PFKFB3: variants seen among roughly 807,000 people sequenced by gnomAD.
PFKFB3 encodes 6-phosphofructo-2-kinase/fructose-2,6-bisphosphatase 3.
PFKFB3 carries 33 observed loss-of-function variants against 68.0 expected under a neutral mutation model. The observed-to-expected ratio is 0.49, with a 90% CI of 0.37 to 0.65. The LOEUF (loss-of-function observed/expected upper bound fraction) is 0.65. Ranked by LOEUF, PFKFB3 falls within the 30% of genes least tolerant of loss-of-function variation. The pLI, the probability that PFKFB3 is intolerant of heterozygous loss-of-function variation, is 0.00. For missense variants in PFKFB3, 586 were observed against 712.2 expected (o/e 0.82, Z 2.02); for synonymous variants, 315 against 288.2 (o/e 1.09, Z -0.94).
chr10:6,159,871 A>G (rs1467677821), intron 1 of PFKFB3, among the ~76,000 whole-genome samples: 1 of 150,798 alleles, frequency 6.6e-6, no homozygotes, highest in East Asian at 1.9e-4. Context: ...CAATCCCCCC[A>G]CCTCAGCCTC....
chr10:6,213,743 C>A lies in PFKFB3; in HGVS notation c.197C>A (p.Thr66Lys). 1 of 1,612,294 alleles carries A rather than the reference C, an allele frequency of 6.2e-7. No homozygotes were observed. Among genetic ancestry groups the A allele is most frequent in the Non-Finnish European group, 8.5e-7 (1 of 1,179,316 alleles). Residue 66 changes from threonine to lysine, a missense_variant, in exon 2 of 15, where the codon ACA becomes AAA. Transcript: ENST00000379775. The stretch of plus-strand genomic sequence containing the variant: ...TACCTCAACTGGATTGGCGTCCCCA[C>A]AAAAGGTGAGACTGGGTCTCGAGGC... Reference protein sequence around the residue: ...TRYLNWIGVPTKVFNVGEYRR... With the variant: ...TRYLNWIGVPKKVFNVGEYRR...
At chr10:6,196,783 G>C (rs773764253) in intron 1 of PFKFB3, among the ~76,000 whole-genome samples, 25 of 151,954 alleles carry the variant, frequency 1.6e-4, no homozygotes, top group Admixed American at 6.6e-4. Context: ...ACACACCCAG[G>C]ATTTTTCAAT....
chr10:6,183,100 G>A (rs1042190169), intron 1 of PFKFB3, among the ~76,000 whole-genome samples: 1 of 152,154 alleles, frequency 6.6e-6, no homozygotes, highest in South Asian at 2.1e-4. Context: ...CCCTGGAGTT[G>A]CAGGGGATTT....
the PFKFB3 span, chr10:6,293,103 C>A: frequency 9.7e-6 from 4 of 413,270 alleles, no homozygotes; most frequent in African/African-American, 8.5e-5. Flanking sequence ...AATTTTAAAC[C>A]CTCAGGAATG....
chr10:6,179,076 C>T (rs182094169), intron 1 of PFKFB3, among the ~76,000 whole-genome samples: 52 of 152,340 alleles, frequency 3.4e-4, no homozygotes, highest in African/African-American at 1.1e-3. Context: ...ACGTGCCTGC[C>T]GTATTCAATA....
rs747409261 is a variant in PFKFB3 at position 6,216,764 on chromosome 10, A to G, written c.425A>G (p.Lys142Arg). Residue 142 changes from lysine (K) to arginine (R), a missense_variant, in exon 5 of 15, where the codon AAA becomes AGA. Coordinates refer to ENST00000379775, the MANE Select transcript of PFKFB3 (RefSeq NM_004566.4). ...AGACACATGATCCTTCATTTTGCCA[A>G]AGAAAATGACTTTAAGGTGAGCTGA... Reference protein sequence around the residue: ...ERRHMILHFAKENDFKAFFIE... With the variant: ...ERRHMILHFARENDFKAFFIE... 1.2e-6 allele frequency: 2 copies of G among 1,612,986 alleles called. No homozygotes were observed. Among genetic ancestry groups the G allele is most frequent in the South Asian group, 1.1e-5 (1 of 91,074 alleles).
At position 6,215,058 on chromosome 10, in the gene PFKFB3, G is replaced by T. The variant is rs1844469638; in HGVS notation, c.203-163G>T. 6.6e-6 allele frequency among the ~76,000 whole-genome samples: 1 copy of T among 152,190 alleles called. No homozygotes were observed. Among genetic ancestry groups the T allele is most frequent in the Non-Finnish European group, 1.5e-5 (1 of 68,028 alleles). On this transcript the variant is annotated intron_variant, in intron 2 of 14. Coordinates refer to ENST00000379775, the MANE Select transcript of PFKFB3 (RefSeq NM_004566.4). This position sits in a 1 kb window ranked among gnomAD's most constrained non-coding sequence, Gnocchi z 4.3. The stretch of plus-strand genomic sequence containing the variant: ...CTGTGCCCTGCTGTCCTCAGGAGTT[G>T]AGGGTAGCGTAGGACTGGGCGCCGG...
intron 1 of PFKFB3, chr10:6,164,082 AG>A (rs1564591434): frequency 6.6e-6 from 1 of 152,298 alleles, no homozygotes; most frequent in Non-Finnish European, 1.5e-5. Context: ...GAAACAGACT[AG>A]GAGGGATTTA....
At chr10:6,216,820 G>C in intron 5 of PFKFB3, 40 bp downstream of exon 5, 1 of 1,473,546 alleles carries the variant, frequency 6.8e-7, no homozygotes, top group Non-Finnish European at 9.5e-7. Context: ...GGGCTCGGGA[G>C]AGAGGAAAAG....
chr10:6,186,121 G>T (rs546526787), intron 1 of PFKFB3, among the ~76,000 whole-genome samples: 1 of 152,256 alleles, frequency 6.6e-6, no homozygotes, highest in South Asian at 2.1e-4. Flanking sequence ...ATGGAGAAAT[G>T]ATTAGAAATA....
chr10:6,246,986 T>A (rs975285501), intron 14 of PFKFB3, among the ~76,000 whole-genome samples: 1 of 152,256 alleles, frequency 6.6e-6, no homozygotes, highest in Non-Finnish European at 1.5e-5. Context: ...CCTGTGGGTC[T>A]GTTGCCCAGA....
chr10:6,241,745 A>C (rs1056546161), intron 14 of PFKFB3, among the ~76,000 whole-genome samples: 15 of 151,708 alleles, frequency 9.9e-5, no homozygotes, highest in African/African-American at 3.6e-4. Context: ...TCACTTTCTA[A>C]TTTTAGCATC....
chr10:6,231,548 T>C (rs952478290), intron 14 of PFKFB3: 1 of 985,236 alleles, frequency 1.0e-6, no homozygotes, highest in African/African-American at 1.7e-5. Context: ...CTCTCCACTG[T>C]TATTGTTGCA....
At chr10:6,224,069 T>G in intron 12 of PFKFB3, 49 bp downstream of exon 12, 1 of 1,607,920 alleles carries the variant, frequency 6.2e-7, no homozygotes, top group Non-Finnish European at 8.5e-7. Flanking sequence ...GTGGCCACAG[T>G]AGCTTCTTGT....
intron 1 of PFKFB3, among the ~76,000 whole-genome samples, chr10:6,159,585 G>C (rs1193879137): frequency 7.3e-5 from 11 of 151,352 alleles, no homozygotes; most frequent in Admixed American, 6.6e-4. Context: ...CCAGTTACCC[G>C]GGAGGCTGAG....
At chr10:6,312,740 T>A in the PFKFB3 span, among the ~76,000 whole-genome samples, 1 of 152,200 alleles carries the variant, frequency 6.6e-6, no homozygotes, top group Admixed American at 6.5e-5. Flanking sequence ...TGGAAGTAAA[T>A]TTGGAGACCG....
the PFKFB3 span, among the ~76,000 whole-genome samples, chr10:6,321,713 A>T: frequency 6.6e-6 from 1 of 152,168 alleles, no homozygotes; most frequent in Non-Finnish European, 1.5e-5. Context: ...TTTCTTTGTG[A>T]TTGGACTGAA....
At chr10:6,300,070 C>G in the PFKFB3 span, among the ~76,000 whole-genome samples, 1 of 130,170 alleles carries the variant, frequency 7.7e-6, no homozygotes, top group Non-Finnish European at 1.6e-5. Flanking sequence ...TCTGCCTTTT[C>G]AGAATACCCA....
the PFKFB3 span, among the ~76,000 whole-genome samples, chr10:6,276,178 G>A: frequency 1.3e-5 from 2 of 152,052 alleles, no homozygotes; most frequent in Non-Finnish European, 2.9e-5. Context: ...TTTATTTTGT[G>A]GGATTTTGGC....
Sources: allele counts gnomAD v4.1 joint callset (sites outside exome capture counted in the v4.1 genomes callset), GRCh38; gene constraint gnomAD v4.1.1; non-coding constraint Gnocchi (gnomAD v3.1); transcripts MANE v1.5; gene names NCBI Gene and HGNC (gene_info 2026-07-23, HGNC 2026-07-21).